Variants in PFDN6 observed in about 807,000 individuals in gnomAD.
The protein encoded by PFDN6 is HLA class II region expressed gene KE2.
A neutral mutation model predicts 19.3 loss-of-function variants in PFDN6; 5 were observed. The observed-to-expected ratio is 0.26, with a 90% CI of 0.14 to 0.55. PFDN6 has a LOEUF of 0.55. PFDN6 is among the 20% of genes least tolerant of loss of function. PFDN6 has a pLI of 0.94. For synonymous variants in PFDN6, 51 were observed against 63.4 expected, an observed-to-expected ratio of 0.80 and a Z score of 0.93; for missense variants, 101 against 149.4, an observed-to-expected ratio of 0.68 and a Z score of 1.69.
Position 33,289,688 on chromosome 6 carries a change from A to C in PFDN6, c.-169A>C. 1 of 576,328 alleles carries C rather than the reference A, an allele frequency of 1.7e-6. No individual in the cohort carries two copies. The highest frequency in any genetic ancestry group is 2.9e-6 in the Non-Finnish European group (1 of 350,280). The allele number at this position is 576,328 out of a possible 1,614,324, so 35.7% of individuals were successfully genotyped here. Reference sequence around the variant, plus strand: ...GTTTCGCCCACCATCTCCTGGGGACAGGGTGGAGTCGATATCCGGGACGGG... The same window carrying C: ...GTTTCGCCCACCATCTCCTGGGGACCGGGTGGAGTCGATATCCGGGACGGG... On this transcript the variant is annotated 5_prime_UTR_variant, in exon 1 of 4. Transcript: ENST00000374606.
intron 1 of PFDN6, 122 bp from the exon 2 acceptor site, chr6:33,290,052 C>A: frequency 7.6e-7 from 1 of 1,307,928 alleles, no homozygotes; most frequent in Non-Finnish European, 1.1e-6. Context: ...GTACTCTTCC[C>A]TGTTCACTCA....
chr6:33,289,216 G>C (rs377138610), upstream of PFDN6: 36 of 1,583,932 alleles, frequency 2.3e-5, no homozygotes, highest in African/African-American at 2.4e-4. Context: ...CCTCTCAGCT[G>C]CCACACAGTC....
In PFDN6 at chr6:33,290,321, A is replaced by G. The variant is rs1247967898; in HGVS notation, c.136-5A>G. The G allele has an allele frequency of 6.2e-7, 1 of 1,610,146 alleles. No individual in the cohort carries two copies. On this transcript the variant is annotated splice_region_variant and splice_polypyrimidine_tract_variant and intron_variant, in intron 2 of 3. Coordinates refer to ENST00000374606, the MANE Select transcript of PFDN6 (RefSeq NM_001185181.3). ...CTGATCACATATGTCCCATCCCTCC[A>G]TCAGGAACTGGCCCTGCTGGATGGG...
upstream of PFDN6, chr6:33,289,335 C>A: frequency 7.3e-7 from 1 of 1,372,782 alleles, no homozygotes; most frequent in Non-Finnish European, 9.4e-7. Flanking sequence ...CTTAGAGGGG[C>A]GGAACAGTTT....
intron 1 of PFDN6, 25 bp downstream of exon 1, chr6:33,289,945 C>T: frequency 1.3e-6 from 2 of 1,581,598 alleles, no homozygotes; most frequent in African/African-American, 1.4e-5. Context: ...TCGGTATGGT[C>T]TCGCCCAATG....
intron 3 of PFDN6, 22 bp from the exon 4 acceptor site, chr6:33,290,694 T>C (rs1295928049): frequency 1.9e-6 from 3 of 1,610,688 alleles, no homozygotes; most frequent in African/African-American, 1.3e-5. Flanking sequence ...CCTTTCTGCT[T>C]GTCTCCCTTG....
Position 33,290,750 on chromosome 6 carries a change from C to T in PFDN6, c.295C>T (p.Arg99Trp), listed in dbSNP as rs771077401. The change falls in exon 4 of 4, where the codon CGG becomes TGG. Residue 99 changes from arginine to tryptophan, a missense_variant. Arg to Trp is a moderately radical substitution (Grantham distance 101, BLOSUM62 -3). Around this residue, in one of 2 missense-constraint regions of PFDN6, gnomAD observed 47 missense variants for 40.6 expected, o/e 1.16. Transcript: ENST00000374606. ...CGAATCCCAGCTTCGGGATCTTGAG[C>T]GGCAGTCAGAGCAACAGAGGGAGAC... ...RYESQLRDLE[R>W]QSEQQRETLA... The T allele has an allele frequency of 8.1e-6, 13 of 1,612,146 alleles. No homozygotes were observed. The highest frequency in any genetic ancestry group is 1.0e-5 in the Non-Finnish European group (12 of 1,179,926).
At position 33,289,648 on chromosome 6, in the gene PFDN6, G is replaced by A. The variant is rs986798305; in HGVS notation, c.-209G>A. On this transcript the variant is annotated 5_prime_UTR_variant, in exon 1 of 4. Transcript: ENST00000374606. ...GAGTAGGTTAGGATTTCGGTTGAGA[G>A]GCTTGGGGTCTTGCGTTTCGCCCAC... The A allele has an allele frequency of 1.8e-6, 1 of 564,526 alleles. No individual in the cohort carries two copies. Among genetic ancestry groups the A allele is most frequent in the Non-Finnish European group, 2.9e-6 (1 of 349,942 alleles). The allele number at this position is 564,526 out of a possible 1,614,324, so 35.0% of individuals were successfully genotyped here.
chr6:33,290,026 C>A, intron 1 of PFDN6, 106 bp downstream of exon 1: 1 of 1,295,384 alleles, frequency 7.7e-7, no homozygotes, highest in African/African-American at 1.5e-5. Flanking sequence ...GCAGAGACTT[C>A]CCCGCCTCAG....
chr6:33,290,002 C>A, intron 1 of PFDN6, 82 bp downstream of exon 1: 2 of 1,399,272 alleles, frequency 1.4e-6, no homozygotes, highest in East Asian at 2.3e-5. Context: ...GTTGCCCCAT[C>A]TGGGCCCTCG....
In PFDN6 at chr6:33,289,691, G is replaced by T; in HGVS notation, c.-166G>T. ...TCGCCCACCATCTCCTGGGGACAGGGTGGAGTCGATATCCGGGACGGGGGG... is the reference window on the plus strand; with the variant it reads ...TCGCCCACCATCTCCTGGGGACAGGTTGGAGTCGATATCCGGGACGGGGGG... On this transcript the variant is annotated 5_prime_UTR_variant, in exon 1 of 4. Coordinates refer to ENST00000374606, the MANE Select transcript of PFDN6 (RefSeq NM_001185181.3). The T allele has an allele frequency of 1.7e-6, 1 of 600,430 alleles. No homozygotes were observed. The highest frequency in any genetic ancestry group is 2.7e-6 in the Non-Finnish European group (1 of 364,726). 37.2% of individuals were successfully genotyped at this position (600,430 alleles called of 1,614,324 possible). A position where few individuals can be genotyped will look rare whatever the true frequency, so the allele number is the denominator to read the frequency against.
At chr6:33,289,228 G>C, upstream of PFDN6, 6 of 1,573,356 alleles carry the variant, frequency 3.8e-6, no homozygotes, top group African/African-American at 1.4e-5. Context: ...CACACAGTCG[G>C]CTTGAAAACT....
intron 1 of PFDN6, 54 bp downstream of exon 1, chr6:33,289,974 A>C (rs562648157): frequency 6.6e-7 from 1 of 1,509,376 alleles, no homozygotes; most frequent in Non-Finnish European, 9.1e-7. Flanking sequence ...ACCCAAAGCC[A>C]TTACCGAGAT....
At position 33,290,751 on chromosome 6, in the gene PFDN6, G is replaced by A. The variant is rs202091465; in HGVS notation, c.296G>A (p.Arg99Gln). The change falls in exon 4 of 4, where the codon CGG becomes CAG. Residue 99 changes from arginine (R) to glutamine (Q), a missense_variant. By Grantham distance (43) the Arg-to-Gln change is conservative (BLOSUM62 1). This residue lies in a region of PFDN6 where 47 missense variants were observed against 40.6 expected (regional missense o/e 1.16). Coordinates refer to ENST00000374606, the MANE Select transcript of PFDN6 (RefSeq NM_001185181.3). ...GAATCCCAGCTTCGGGATCTTGAGC[G>A]GCAGTCAGAGCAACAGAGGGAGACC... ...RYESQLRDLE[R>Q]QSEQQRETLA... is the part of the protein sequence containing the mutation. The A allele has an allele frequency of 9.9e-6, 16 of 1,612,232 alleles. No homozygotes were observed. Among genetic ancestry groups the A allele is most frequent in the Middle Eastern group, 1.6e-4 (1 of 6,062 alleles).
In PFDN6 at chr6:33,289,849, T is replaced by C. The variant is rs112317731; in HGVS notation, c.-8T>C. ...TTGTCTCGCACCCAGTAGGCTTTCA[T>C]CCCCGCCATGGCGGAGCTGATCCAG... On this transcript the variant is annotated 5_prime_UTR_variant, in exon 1 of 4. Coordinates refer to ENST00000374606, the MANE Select transcript of PFDN6 (RefSeq NM_001185181.3). 1 of 1,589,348 alleles carries C rather than the reference T, an allele frequency of 6.3e-7. No individual in the cohort carries two copies. The highest frequency in any genetic ancestry group is 2.2e-5 in the East Asian group (1 of 44,668).
At chr6:33,289,567 CT>C (rs28362617), upstream of PFDN6, 321 of 752,764 alleles carry the variant, frequency 4.3e-4, 3 homozygotes, top group East Asian at 0.01. Context: ...CCGGCACAGT[CT>C]TTTCCCAGCA....
chr6:33,290,573 C>T, intron 3 of PFDN6, 123 bp downstream of exon 3: 4 of 1,456,482 alleles, frequency 2.7e-6, no homozygotes, highest in Admixed American at 2.1e-5. Flanking sequence ...GTTCCTCCAA[C>T]CCTTTCCTTC....
chr6:33,290,874 G>A lies in PFDN6; in HGVS notation c.*29G>A. 1.3e-6 allele frequency: 2 copies of A among 1,571,318 alleles called. No homozygotes were observed. Among genetic ancestry groups the A allele is most frequent in the South Asian group, 1.1e-5 (1 of 88,732 alleles). On this transcript the variant is annotated 3_prime_UTR_variant, in exon 4 of 4. Coordinates refer to ENST00000374606, the MANE Select transcript of PFDN6 (RefSeq NM_001185181.3). ...CATGGTGGGGGGAGGGGAGGGGAGG[G>A]GAGGGAATGAGGCAGCTCTAGGATC...
chr6:33,290,663 AG>A, intron 3 of PFDN6, 52 bp from the exon 4 acceptor site: 1 of 1,594,688 alleles, frequency 6.3e-7, no homozygotes, highest in Non-Finnish European at 8.6e-7. Flanking sequence ...CACTCTCCAT[AG>A]TGAGTCCTAC....
Sources: allele counts gnomAD v4.1 joint callset, GRCh38; gene constraint gnomAD v4.1.1; regional missense constraint gnomAD v4.1.1; transcripts MANE v1.5; gene names NCBI Gene and HGNC (gene_info 2026-07-23, HGNC 2026-07-21).